Variants in C18orf63 observed in about 807,000 individuals in gnomAD.
C18orf63 encodes the protein chromosome 18 open reading frame 63.
A neutral mutation model predicts 75.3 loss-of-function variants in C18orf63; 50 were observed. That is an observed-to-expected ratio of 0.66 (90% CI 0.53 to 0.84). The LOEUF is 0.84. Ranked by LOEUF, C18orf63 falls within the 40% of genes least tolerant of loss-of-function variation. The probability of loss-of-function intolerance (pLI) is 0.00; values close to 1 mark genes in which losing one functional copy is unlikely to be tolerated. For missense variants in C18orf63, 732 were observed against 800.2 expected (o/e 0.91, Z 1.03); for synonymous variants, 232 against 267.6 (o/e 0.87, Z 1.30).
intron 7 of C18orf63, among the ~76,000 whole-genome samples, chr18:74,335,957 C>T (rs757663653): frequency 2.0e-4 from 31 of 152,028 alleles, no homozygotes; most frequent in Non-Finnish European, 3.5e-4. Context: ...TAGTTAATCT[C>T]GCAGAATCTC....
chr18:74,343,479 T>G (rs1984521636), intron 10 of C18orf63, 40 bp from the exon 11 acceptor site: 1 of 1,349,410 alleles, frequency 7.4e-7, no homozygotes, highest in Non-Finnish European at 9.8e-7. Flanking sequence ...TTCTGCCTCT[T>G]ATGTAATAAA....
At chr18:74,330,742 G>A (rs949001465) in intron 6 of C18orf63, 124 bp from the exon 7 acceptor site, 1 of 465,424 alleles carries the variant, frequency 2.1e-6, no homozygotes, top group African/African-American at 2.0e-5. Flanking sequence ...ATTTTACCAT[G>A]TGCGGAAAAA....
At chr18:74,335,123 T>C (rs1377811274) in intron 7 of C18orf63, among the ~76,000 whole-genome samples, 2 of 152,192 alleles carry the variant, frequency 1.3e-5, no homozygotes, top group Non-Finnish European at 2.9e-5. Context: ...GGAAGGTCTG[T>C]GTCTTATTAA....
Position 74,353,914 on chromosome 18 carries a change from G to A in C18orf63, c.1647G>A (p.Val549=), listed in dbSNP as rs1984716428. 1 of 1,535,634 alleles carries A rather than the reference G, an allele frequency of 6.5e-7. No individual in the cohort carries two copies. Among genetic ancestry groups the A allele is most frequent in the East Asian group, 2.4e-5 (1 of 40,904 alleles). The change falls in exon 12 of 14, where the codon GTG becomes GTA. Residue 549 remains valine (V), a synonymous_variant. Transcript: ENST00000579455. ...NKQLSNSAVF[V]VSNNNLGVVK... is the part of the protein sequence containing the mutation. ...AACTATCTAATAGTGCAGTATTTGT[G>A]GTGTCAAATAACAATTTAGGGGTGG...
chr18:74,318,452 C>G (rs1239151444), intron 2 of C18orf63, among the ~76,000 whole-genome samples: 1 of 152,062 alleles, frequency 6.6e-6, no homozygotes, highest in Non-Finnish European at 1.5e-5. Flanking sequence ...GAGTATTTCT[C>G]TAGGATCTGT....
chr18:74,348,181 A>G (rs1011356645), intron 11 of C18orf63, among the ~76,000 whole-genome samples: 5 of 152,194 alleles, frequency 3.3e-5, no homozygotes, highest in African/African-American at 1.2e-4. Context: ...TTTATTCTGT[A>G]ACATCTCAAA....
At position 74,353,356 on chromosome 18, in the gene C18orf63, A is replaced by C; in HGVS notation, c.1089A>C (p.Ser363=). 1 of 1,536,534 alleles carries C rather than the reference A, an allele frequency of 6.5e-7. No individual in the cohort carries two copies. Among genetic ancestry groups the C allele is most frequent in the Non-Finnish European group, 8.7e-7 (1 of 1,146,990 alleles). ...PACAQSLLPC[S]VAVDHKVELS... ...GTGCTCAAAGTCTTCTACCATGTTCAGTAGCAGTGGACCACAAGGTGGAGC... is the reference window on the plus strand; with the variant it reads ...GTGCTCAAAGTCTTCTACCATGTTCCGTAGCAGTGGACCACAAGGTGGAGC... The change falls in exon 12 of 14, where the codon TCA becomes TCC. Residue 363 remains serine (S), a synonymous_variant. Coordinates refer to ENST00000579455, the MANE Select transcript of C18orf63 (RefSeq NM_001174123.2).
chr18:74,344,057 C>T (rs955046851), intron 11 of C18orf63, among the ~76,000 whole-genome samples: 7 of 152,022 alleles, frequency 4.6e-5, no homozygotes, highest in Non-Finnish European at 8.8e-5. Flanking sequence ...GGTAAGATGC[C>T]TGCCCCTCAC....
At chr18:74,343,956 G>A (rs534207202) in intron 11 of C18orf63, among the ~76,000 whole-genome samples, 2 of 152,220 alleles carry the variant, frequency 1.3e-5, no homozygotes, top group East Asian at 3.9e-4. Flanking sequence ...ATATAAATGA[G>A]TTGGGTTATT....
intron 4 of C18orf63, among the ~76,000 whole-genome samples, chr18:74,327,170 C>T (rs1210714230): frequency 6.6e-6 from 1 of 152,112 alleles, no homozygotes; most frequent in Non-Finnish European, 1.5e-5. Context: ...AGAAACTCCC[C>T]AGGCCTCCAT....
chr18:74,349,546 T>G (rs1017623565), intron 11 of C18orf63, among the ~76,000 whole-genome samples: 1 of 152,146 alleles, frequency 6.6e-6, no homozygotes, highest in Non-Finnish European at 1.5e-5. Context: ...GCAGCAGCAT[T>G]AGATTCTTGT....
chr18:74,331,075 G>A (rs1018800411), intron 7 of C18orf63, 133 bp downstream of exon 7: 1 of 371,608 alleles, frequency 2.7e-6, no homozygotes. Context: ...ATCAAAATCT[G>A]TATTATTAAA....
At chr18:74,324,269 C>G (rs757630385) in intron 4 of C18orf63, among the ~76,000 whole-genome samples, 7 of 152,192 alleles carry the variant, frequency 4.6e-5, no homozygotes, top group Non-Finnish European at 7.3e-5. Flanking sequence ...TTACCCACTG[C>G]CACTACTACC....
At chr18:74,341,004 C>A (rs1180099716) in intron 8 of C18orf63, among the ~76,000 whole-genome samples, 2 of 151,966 alleles carry the variant, frequency 1.3e-5, no homozygotes, top group Non-Finnish European at 2.9e-5. Flanking sequence ...GTGGCTCACG[C>A]CTGTAGTCCC....
At position 74,358,683 on chromosome 18, in the gene C18orf63, G is replaced by A. The variant is rs1413546520; in HGVS notation, c.*2236G>A. 1.3e-5 allele frequency: 2 copies of A among 151,988 alleles called. No individual in the cohort carries two copies. Among genetic ancestry groups the A allele is most frequent in the Non-Finnish European group, 2.9e-5 (2 of 67,968 alleles). 9.4% of individuals were successfully genotyped at this position (151,988 alleles called of 1,614,324 possible). Reference sequence around the variant, plus strand: ...AACCATTTTAATTTTAAAACCATAAGAAAATAATTTTATGTTTGCCTATGT... The same window carrying A: ...AACCATTTTAATTTTAAAACCATAAAAAAATAATTTTATGTTTGCCTATGT... On this transcript the variant is annotated 3_prime_UTR_variant, in exon 14 of 14. Transcript: ENST00000579455.
Position 74,358,171 on chromosome 18 carries a change from T to C in C18orf63, c.*1724T>C, listed in dbSNP as rs1317887866. On this transcript the variant is annotated 3_prime_UTR_variant, in exon 14 of 14. Transcript: ENST00000579455. ...GGTATTAACATCTTCCAGTTCTTTATATAAATAATCTTGATAGCCCCTCCT... is the reference window on the plus strand; with the variant it reads ...GGTATTAACATCTTCCAGTTCTTTACATAAATAATCTTGATAGCCCCTCCT... 6.6e-6 allele frequency: 1 copy of C among 152,192 alleles called. No homozygotes were observed. The highest frequency in any genetic ancestry group is 1.9e-4 in the East Asian group (1 of 5,196). 9.4% of individuals were successfully genotyped at this position (152,192 alleles called of 1,614,324 possible).
chr18:74,323,061 C>G (rs1297049959), intron 4 of C18orf63, among the ~76,000 whole-genome samples: 4 of 152,132 alleles, frequency 2.6e-5, no homozygotes, highest in Non-Finnish European at 5.9e-5. Context: ...GGATTATTGT[C>G]CACATTATAT....
chr18:74,327,463 GC>G (rs2145118264), intron 4 of C18orf63, among the ~76,000 whole-genome samples: 1 of 152,258 alleles, frequency 6.6e-6, no homozygotes, highest in South Asian at 2.1e-4. Flanking sequence ...TAATTTCCAG[GC>G]CTTCTCCTTG....
intron 13 of C18orf63, among the ~76,000 whole-genome samples, chr18:74,355,204 ACTG>A (rs1438049072): frequency 6.6e-6 from 1 of 152,180 alleles, no homozygotes; most frequent in Non-Finnish European, 1.5e-5. Context: ...TTCTTTTCCA[ACTG>A]CTATTTCTTC....
Sources: gnomAD v4.1 joint callset for allele counts (sites outside exome capture counted in the v4.1 genomes callset) on GRCh38, gnomAD v4.1.1 for gene constraint, MANE v1.5 for transcripts, NCBI Gene and HGNC (gene_info 2026-07-23, HGNC 2026-07-21) for gene names.